Variants in SORCS2 observed in about 807,000 individuals in gnomAD.
SORCS2 encodes VPS10 domain-containing receptor SorCS2.
Under a neutral mutation model 141.6 loss-of-function variants are expected in SORCS2, and 100 were observed. The observed-to-expected ratio is 0.71, with a 90% CI of 0.60 to 0.83. The LOEUF is 0.83. Among genes scored for constraint, SORCS2 ranks in the 40% least tolerant of loss-of-function variants. The pLI is 0.00. For missense variants in SORCS2, 1,646 were observed against 1,560.2 expected (o/e 1.05, Z -0.93); for synonymous variants, 789 against 676.9 (o/e 1.17, Z -2.57).
chr4:7,371,280 T>C (rs1577458504), intron 1 of SORCS2, among the ~76,000 whole-genome samples: 1 of 152,154 alleles, frequency 6.6e-6, no homozygotes, highest in Non-Finnish European at 1.5e-5. Context: ...GCCTGCGCCC[T>C]GTGTGGTGGT....
At chr4:7,724,265 GTGA>G (rs1310821648) in intron 19 of SORCS2, among the ~76,000 whole-genome samples, 77 of 145,822 alleles carry the variant, frequency 5.3e-4, no homozygotes, top group Middle Eastern at 3.5e-3. Flanking sequence ...GTTGGTGATG[GTGA>G]TGATGGTGGT....
chr4:7,728,469 A>T lies in SORCS2; in HGVS notation c.2982+7A>T, dbSNP rs1420449488. 1 of 1,602,830 alleles carries T rather than the reference A, an allele frequency of 6.2e-7. No homozygotes were observed. The highest frequency in any genetic ancestry group is 1.7e-5 in the Admixed American group (1 of 59,060). On this transcript the variant is annotated splice_region_variant and intron_variant, in intron 22 of 26. Coordinates refer to ENST00000507866, the MANE Select transcript of SORCS2 (RefSeq NM_020777.3). The stretch of plus-strand genomic sequence containing the variant: ...CACCCGGCTGCTCTCCAAGGTGTCC[A>T]CCCAGAGCCTAGAGCCTCCCCAGCC...
intron 3 of SORCS2, among the ~76,000 whole-genome samples, chr4:7,567,660 C>T (rs181313140): frequency 3.3e-5 from 5 of 152,250 alleles, no homozygotes; most frequent in East Asian, 1.9e-4. Flanking sequence ...TTCTCTTTGG[C>T]GCCCTTTGCA....
chr4:7,320,412 G>A (rs965248638), intron 1 of SORCS2, among the ~76,000 whole-genome samples: 8 of 152,222 alleles, frequency 5.3e-5, no homozygotes, highest in Non-Finnish European at 1.2e-4. Context: ...CTGATGTCTA[G>A]AAAGGATGAA....
rs551153241 is a variant in SORCS2, at chr4:7,649,864, G to A, written c.814-4270G>A. 3.4e-4 allele frequency among the ~76,000 whole-genome samples: 52 copies of A among 152,246 alleles called. No homozygotes were observed. In the South Asian group the frequency reaches 7.1e-3, roughly 21 times the overall value. ...GTGACATCCATGATGTCGTTGGTTC[G>A]TCATAAGGTGGTGCCCGTGACAAGG... On this transcript the variant is annotated intron_variant, in intron 4 of 26. Coordinates refer to ENST00000507866, the MANE Select transcript of SORCS2 (RefSeq NM_020777.3).
chr4:7,368,829 G>C (rs773723857), intron 1 of SORCS2, among the ~76,000 whole-genome samples: 3 of 152,186 alleles, frequency 2.0e-5, no homozygotes, highest in Non-Finnish European at 4.4e-5. Flanking sequence ...AACCCGGTGG[G>C]AGGTGATTGA....
intron 19 of SORCS2, among the ~76,000 whole-genome samples, chr4:7,724,172 A>ATGG (rs1560113114): frequency 1.6e-5 from 2 of 129,008 alleles, no homozygotes; most frequent in African/African-American, 6.0e-5. Flanking sequence ...GATGGTGGTG[A>ATGG]TGGTGATAGC....
At chr4:7,342,656 T>C (rs1273916823) in intron 1 of SORCS2, among the ~76,000 whole-genome samples, 1 of 152,132 alleles carries the variant, frequency 6.6e-6, no homozygotes, top group Non-Finnish European at 1.5e-5. Context: ...GAAGAAGCCC[T>C]GCAAAGCTTC....
At chr4:7,733,585 C>T (rs986477535) in intron 24 of SORCS2, among the ~76,000 whole-genome samples, 164 bp downstream of exon 24, 13 of 152,146 alleles carry the variant, frequency 8.5e-5, no homozygotes, top group African/African-American at 2.2e-4. Context: ...CGCAGGACCG[C>T]GCTCTCCCTC....
intron 4 of SORCS2, among the ~76,000 whole-genome samples, chr4:7,641,790 ATGG>A (rs1344340785): frequency 1.0e-5 from 1 of 95,248 alleles, no homozygotes; most frequent in African/African-American, 3.4e-5. Context: ...GGATGGATGG[ATGG>A]ATGGATGGAT....
At chr4:7,536,012 AG>A (rs1187103844) in intron 3 of SORCS2, among the ~76,000 whole-genome samples, 1 of 152,252 alleles carries the variant, frequency 6.6e-6, no homozygotes, top group Non-Finnish European at 1.5e-5. Context: ...TGCTGCTGGC[AG>A]TGCGCTTCTG....
At chr4:7,374,998 GC>G (rs1722548242) in intron 1 of SORCS2, among the ~76,000 whole-genome samples, 1 of 152,200 alleles carries the variant, frequency 6.6e-6, no homozygotes, top group African/African-American at 2.4e-5. Context: ...TCCTCAGAGG[GC>G]AATGTCTGAG....
chr4:7,401,666 C>T (rs769107561), intron 2 of SORCS2, among the ~76,000 whole-genome samples: 16 of 152,168 alleles, frequency 1.1e-4, no homozygotes, highest in Non-Finnish European at 2.1e-4. Context: ...AACAGAGGGA[C>T]AGTCCTATAG....
intron 2 of SORCS2, among the ~76,000 whole-genome samples, chr4:7,422,496 C>T (rs1312990197): frequency 6.6e-6 from 1 of 152,146 alleles, no homozygotes; most frequent in African/African-American, 2.4e-5. Context: ...CTGGGGTCTA[C>T]ACTCAAGTTT....
At chr4:7,328,023 T>C (rs1296086833) in intron 1 of SORCS2, among the ~76,000 whole-genome samples, 67 of 90,512 alleles carry the variant, frequency 7.4e-4, no homozygotes, top group African/African-American at 3.5e-3. Context: ...CTAGGCTTTT[T>C]TTTTTTTTTT....
At position 7,365,576 on chromosome 4, in the gene SORCS2, G is replaced by A. The variant is rs114029385; in HGVS notation, c.481-30712G>A. ...AAGGATCATCAGACAGCACGCTGAT[G>A]TGTAAAACAGAGACACGTGGGGTCC... is the stretch of plus-strand genomic sequence containing the variant. On this transcript the variant is annotated intron_variant, in intron 1 of 26. Transcript: ENST00000507866. Among the ~76,000 whole-genome samples, 966 of 152,230 alleles carry A rather than the reference G, an allele frequency of 6.3e-3. 3 individuals are homozygous for A. The highest frequency in any genetic ancestry group is 0.011 in the Non-Finnish European group (747 of 67,996).
chr4:7,660,787 T>C (rs2108914260), intron 5 of SORCS2, among the ~76,000 whole-genome samples: 1 of 152,330 alleles, frequency 6.6e-6, no homozygotes, highest in South Asian at 2.1e-4. Context: ...TGGTGCAAAC[T>C]GTCGAGTGAT....
At chr4:7,278,200 C>T (rs1037137744) in intron 1 of SORCS2, among the ~76,000 whole-genome samples, 4 of 151,236 alleles carry the variant, frequency 2.6e-5, no homozygotes, top group African/African-American at 4.9e-5. Context: ...GCGTGTAAGT[C>T]CCCACCTGGT....
chr4:7,262,327 CATCCATCT>C (rs1263068342), intron 1 of SORCS2, among the ~76,000 whole-genome samples: 1 of 147,568 alleles, frequency 6.8e-6, no homozygotes, highest in Admixed American at 6.6e-5. Flanking sequence ...TCCATCCATC[CATCCATCT>C]ATCCATCCAT....
Sources: gnomAD v4.1 joint callset for allele counts (sites outside exome capture counted in the v4.1 genomes callset) on GRCh38, gnomAD v4.1.1 for gene constraint, MANE v1.5 for transcripts, NCBI Gene and HGNC (gene_info 2026-07-23, HGNC 2026-07-21) for gene names.